Variants in MOB3B observed in about 807,000 individuals in gnomAD.
MOB3B encodes MOB kinase activator 3B.
MOB3B carries 7 observed loss-of-function variants against 18.7 expected under a neutral mutation model. The ratio of observed to expected loss-of-function variants is 0.37; its 90% CI spans 0.21 to 0.70. The LOEUF is 0.70. Among genes scored for constraint, MOB3B ranks in the 30% least tolerant of loss-of-function variants. The pLI is 0.52. For missense variants in MOB3B, 253 were observed against 281.3 expected, an observed-to-expected ratio of 0.90 and a Z score of 0.72; for synonymous variants, 111 against 99.9, an observed-to-expected ratio of 1.11 and a Z score of -0.66.
intron 2 of MOB3B, among the ~76,000 whole-genome samples, chr9:27,419,285 T>A (rs544899909): frequency 6.9e-4 from 105 of 152,190 alleles, no homozygotes; most frequent in African/African-American, 2.4e-3. Flanking sequence ...CCATCATTCT[T>A]CACATAATTA....
rs1741585538 is a variant in MOB3B at position 27,529,109 on chromosome 9, C to A, written c.-199+446G>T. ...AGACTCCTCCCTCAGGATCAGGACG[C>A]CCAAGCGTTGTCCCCCAGCCCAGGC... On this transcript the variant is annotated intron_variant, in intron 1 of 3. Coordinates refer to ENST00000262244, the MANE Select transcript of MOB3B (RefSeq NM_024761.5). 2.6e-5 allele frequency among the ~76,000 whole-genome samples: 4 copies of A among 152,206 alleles called. No individual in the cohort carries two copies. In the South Asian group the frequency reaches 8.3e-4, roughly 31 times the overall value.
intron 2 of MOB3B, among the ~76,000 whole-genome samples, chr9:27,399,471 C>T (rs778317677): frequency 6.6e-6 from 1 of 152,146 alleles, no homozygotes; most frequent in Non-Finnish European, 1.5e-5. Context: ...ACCTGGTTGC[C>T]CTGTTAGGGA....
At chr9:27,425,077 T>C in intron 2 of MOB3B, among the ~76,000 whole-genome samples, 1 of 152,114 alleles carries the variant, frequency 6.6e-6, no homozygotes, top group East Asian at 1.9e-4. Flanking sequence ...AAATCCTCAT[T>C]CAAAGTAACT....
At chr9:27,434,509 G>A (rs1012847945) in intron 2 of MOB3B, among the ~76,000 whole-genome samples, 4 of 151,978 alleles carry the variant, frequency 2.6e-5, no homozygotes, top group South Asian at 4.2e-4. Flanking sequence ...CCATTTATAC[G>A]GCCCAGCCAA....
In MOB3B at chr9:27,403,516, A is replaced by ATTTTTTTTTT. The variant is rs74178385; in HGVS notation, c.419-44290_419-44281dup. On this transcript the variant is annotated intron_variant, in intron 2 of 3. Coordinates refer to ENST00000262244, the MANE Select transcript of MOB3B (RefSeq NM_024761.5). ...TAATGCTTGGTCTGGCTCTTTACTA[A>ATTTTTTTTTT]TTTTTTTTTTTTTTTTTTTTTTTTT... Among the ~76,000 whole-genome samples, 137 of 79,628 alleles carry ATTTTTTTTTT rather than the reference A, an allele frequency of 1.7e-3. 3 individuals are homozygous for ATTTTTTTTTT. Among genetic ancestry groups the ATTTTTTTTTT allele is most frequent in the Non-Finnish European group, 2.5e-3 (104 of 42,078 alleles). 52.2% of individuals were successfully genotyped at this position (79,628 alleles called of 152,430 possible). A position where few individuals can be genotyped will look rare whatever the true frequency, so the allele number is the denominator to read the frequency against.
At chr9:27,437,677 T>C (rs934629021) in intron 2 of MOB3B, among the ~76,000 whole-genome samples, 1 of 152,222 alleles carries the variant, frequency 6.6e-6, no homozygotes, top group African/African-American at 2.4e-5. Flanking sequence ...TGATGCATTT[T>C]ACATTTGTCA....
At chr9:27,517,647 C>CAAAAAAAAAA in intron 1 of MOB3B, among the ~76,000 whole-genome samples, 1 of 54,268 alleles carries the variant, frequency 1.8e-5, no homozygotes, top group Non-Finnish European at 3.0e-5. Context: ...GACTCTGTCT[C>CAAAAAAAAAA]AAAAAAAAAA....
intron 2 of MOB3B, among the ~76,000 whole-genome samples, chr9:27,379,088 G>A (rs1821535514): frequency 6.6e-6 from 1 of 152,174 alleles, no homozygotes. Flanking sequence ...CCAGGCTGGA[G>A]GTGTTCAAGA....
chr9:27,395,090 G>T (rs923368681), intron 2 of MOB3B, among the ~76,000 whole-genome samples: 6 of 152,204 alleles, frequency 3.9e-5, no homozygotes, highest in Non-Finnish European at 4.4e-5. Flanking sequence ...CTTTGTTTGG[G>T]GGGTGGAGAA....
At chr9:27,374,803 C>A (rs1251505075) in intron 2 of MOB3B, among the ~76,000 whole-genome samples, 1 of 152,240 alleles carries the variant, frequency 6.6e-6, no homozygotes. Flanking sequence ...TCCCACATGG[C>A]AGCAGCTCAG....
At chr9:27,389,771 C>T (rs1436678340) in intron 2 of MOB3B, among the ~76,000 whole-genome samples, 1 of 152,084 alleles carries the variant, frequency 6.6e-6, no homozygotes, top group Non-Finnish European at 1.5e-5. Flanking sequence ...AATGAATTAG[C>T]ACTTTTAAGT....
At chr9:27,416,661 G>T (rs1343929317) in intron 2 of MOB3B, among the ~76,000 whole-genome samples, 1 of 145,734 alleles carries the variant, frequency 6.9e-6, no homozygotes, top group Non-Finnish European at 1.5e-5. Flanking sequence ...CTCCCAAGTA[G>T]CTAGGACTAC....
At chr9:27,452,642 A>C (rs572730757) in intron 2 of MOB3B, among the ~76,000 whole-genome samples, 5 of 152,258 alleles carry the variant, frequency 3.3e-5, no homozygotes, top group African/African-American at 1.2e-4. Flanking sequence ...ATATGAATGA[A>C]TAAAGAAAAT....
chr9:27,461,703 A>G (rs1819290536), intron 1 of MOB3B, among the ~76,000 whole-genome samples: 1 of 152,350 alleles, frequency 6.6e-6, no homozygotes, highest in East Asian at 1.9e-4. Flanking sequence ...TGTTTTGGTC[A>G]TCAGTGCAGA....
chr9:27,374,534 T>C (rs1821465102), intron 2 of MOB3B, among the ~76,000 whole-genome samples: 1 of 152,158 alleles, frequency 6.6e-6, no homozygotes, highest in South Asian at 2.1e-4. Context: ...TTTTGGAATT[T>C]GGTCTTGGTG....
intron 1 of MOB3B, among the ~76,000 whole-genome samples, chr9:27,515,716 A>G (rs1200596091): frequency 6.6e-6 from 1 of 152,168 alleles, no homozygotes. Flanking sequence ...CTACAGTTAA[A>G]CACTTCCATA....
chr9:27,413,210 T>A (rs979669108), intron 2 of MOB3B, among the ~76,000 whole-genome samples: 1 of 152,066 alleles, frequency 6.6e-6, no homozygotes, highest in African/African-American at 2.4e-5. Context: ...AATAGCCCAA[T>A]TGTAGATCTT....
At chr9:27,507,308 G>A (rs548666751) in intron 1 of MOB3B, among the ~76,000 whole-genome samples, 23 of 152,314 alleles carry the variant, frequency 1.5e-4, no homozygotes, top group Admixed American at 7.8e-4. Context: ...TTTCCAGCCA[G>A]TGGGATCCTC....
At chr9:27,444,014 A>G (rs1480277805) in intron 2 of MOB3B, among the ~76,000 whole-genome samples, 1 of 152,092 alleles carries the variant, frequency 6.6e-6, no homozygotes, top group Admixed American at 6.6e-5. Context: ...AGAACATTAT[A>G]TGGCATAATA....
Sources: gnomAD v4.1 joint callset for allele counts (sites outside exome capture counted in the v4.1 genomes callset) on GRCh38, gnomAD v4.1.1 for gene constraint, MANE v1.5 for transcripts, NCBI Gene and HGNC (gene_info 2026-07-23, HGNC 2026-07-21) for gene names.